FUT8: variants seen among roughly 807,000 people sequenced by gnomAD.
FUT8 encodes the protein fucosyltransferase 8, also known as alpha-(1,6)-fucosyltransferase.
FUT8 carries 29 observed loss-of-function variants against 71.3 expected under a neutral mutation model. The ratio of observed to expected loss-of-function variants is 0.41; its 90% CI spans 0.30 to 0.55. FUT8 has a LOEUF of 0.55. FUT8 is among the 20% of genes least tolerant of loss of function. The probability of loss-of-function intolerance (pLI) is 0.34; values close to 1 mark genes in which losing one functional copy is unlikely to be tolerated. For synonymous variants in FUT8, 254 were observed against 239.3 expected (o/e 1.06, Z -0.57); for missense variants, 544 against 702.1 (o/e 0.77, Z 2.55).
the FUT8 span, among the ~76,000 whole-genome samples, chr14:65,395,837 C>T: frequency 4.5e-4 from 68 of 152,364 alleles, no homozygotes; most frequent in East Asian, 7.5e-3. Context: ...TGTCAGGCTG[C>T]AAATTTTCCG....
chr14:65,409,112 G>T (rs1449477652), upstream of FUT8, among the ~76,000 whole-genome samples: 1 of 152,154 alleles, frequency 6.6e-6, no homozygotes, highest in East Asian at 1.9e-4. This position sits in a 1 kb window ranked among gnomAD's most constrained non-coding sequence, Gnocchi z 5.4. Flanking sequence ...GAAAACTGAG[G>T]CCCAGATGGG....
chr14:65,381,804 C>A, the FUT8 span, among the ~76,000 whole-genome samples: 22 of 152,172 alleles, frequency 1.4e-4, no homozygotes, highest in African/African-American at 5.3e-4. Context: ...TCTTCTTTAT[C>A]TCCTTACCCA....
chr14:65,376,654 C>T, the FUT8 span, among the ~76,000 whole-genome samples: 34,506 of 143,108 alleles, frequency 0.24, 4,965 homozygotes, highest in East Asian at 0.55. Context: ...TCAAGTGATC[C>T]ACCCGCCTTG....
At chr14:65,490,311 C>G (rs992008354) in intron 2 of FUT8, among the ~76,000 whole-genome samples, 9 of 152,036 alleles carry the variant, frequency 5.9e-5, no homozygotes, top group Admixed American at 1.3e-4. Flanking sequence ...TTTTAAGGTT[C>G]CCATAACCTT....
chr14:65,454,400 G>T (rs1479954620), intron 1 of FUT8, among the ~76,000 whole-genome samples: 1 of 152,084 alleles, frequency 6.6e-6, no homozygotes, highest in Non-Finnish European at 1.5e-5. Context: ...GCTGAGGCAC[G>T]AGGATTACTT....
the FUT8 span, among the ~76,000 whole-genome samples, chr14:65,393,295 A>T: frequency 6.6e-6 from 1 of 152,206 alleles, no homozygotes; most frequent in African/African-American, 2.4e-5. Context: ...TAATGCCAAT[A>T]CTAAAGGGAA....
intron 2 of FUT8, among the ~76,000 whole-genome samples, chr14:65,498,908 GAA>G (rs1210454672): frequency 6.6e-6 from 1 of 152,148 alleles, no homozygotes; most frequent in Admixed American, 6.5e-5. Context: ...CTTTCATTGT[GAA>G]AAATAATTAT....
In FUT8 at chr14:65,574,032, G is replaced by A. The variant is rs934871737; in HGVS notation, c.203+12266G>A. Among the ~76,000 whole-genome samples, 10 of 152,158 alleles carry A rather than the reference G, an allele frequency of 6.6e-5. No individual in the cohort carries two copies. Among genetic ancestry groups the A allele is most frequent in the African/African-American group, 2.4e-4 (10 of 41,422 alleles). On this transcript the variant is annotated intron_variant, in intron 3 of 10. Transcript: ENST00000673929. This position sits in a 1 kb window ranked among gnomAD's most constrained non-coding sequence, Gnocchi z 5.2. The stretch of plus-strand genomic sequence containing the variant: ...GGTACAAAAGGTGTTGACTGGGTCT[G>A]CAGTTTATTTCAAGGCTCAATTAAA...
chr14:65,632,998 CT>C (rs1890275601), intron 6 of FUT8, among the ~76,000 whole-genome samples: 6 of 130,366 alleles, frequency 4.6e-5, no homozygotes, highest in Admixed American at 7.6e-5. Flanking sequence ...CCTCTCCCCT[CT>C]CCCCTCCCCC....
intron 7 of FUT8, among the ~76,000 whole-genome samples, chr14:65,682,491 C>A (rs779658593): frequency 6.6e-6 from 1 of 150,792 alleles, no homozygotes; most frequent in Admixed American, 6.6e-5. Flanking sequence ...GGCAACAGAG[C>A]AAGACCATGT....
At chr14:65,678,577 G>A (rs1476402117) in intron 7 of FUT8, among the ~76,000 whole-genome samples, 1 of 152,086 alleles carries the variant, frequency 6.6e-6, no homozygotes, top group African/African-American at 2.4e-5. Context: ...GTAAAGGGGG[G>A]TACTAGGAAT....
At chr14:65,693,642 A>C (rs1296908217) in intron 7 of FUT8, among the ~76,000 whole-genome samples, 2 of 152,158 alleles carry the variant, frequency 1.3e-5, no homozygotes, top group Non-Finnish European at 2.9e-5. Context: ...GAGAGCTATT[A>C]GTCTGTTTTC....
At chr14:65,595,602 CTTTTTTT>C (rs34129010) in intron 3 of FUT8, among the ~76,000 whole-genome samples, 4 of 81,724 alleles carry the variant, frequency 4.9e-5, no homozygotes, top group East Asian at 3.8e-4. Context: ...ACACCATTCT[CTTTTTTT>C]TTTTTTTTTT....
At chr14:65,733,422 T>C in intron 10 of FUT8, 41 bp downstream of exon 10, 1 of 1,478,612 alleles carries the variant, frequency 6.8e-7, no homozygotes, top group Non-Finnish European at 9.1e-7. Flanking sequence ...CAATACTTTT[T>C]GGTTGTATAG....
chr14:65,544,429 C>T (rs912788064), intron 2 of FUT8, among the ~76,000 whole-genome samples: 2 of 152,020 alleles, frequency 1.3e-5, no homozygotes, highest in African/African-American at 4.8e-5. Flanking sequence ...TGGTGCCAAT[C>T]AAGTATATAT....
At chr14:65,420,848 T>C (rs1048032466) in intron 1 of FUT8, among the ~76,000 whole-genome samples, 1 of 152,092 alleles carries the variant, frequency 6.6e-6, no homozygotes, top group African/African-American at 2.4e-5. Context: ...TTGTACCTTA[T>C]ATGTATTATA....
intron 2 of FUT8, among the ~76,000 whole-genome samples, chr14:65,523,574 C>T (rs1170043728): frequency 5.3e-5 from 8 of 152,050 alleles, no homozygotes; most frequent in Non-Finnish European, 1.0e-4. Context: ...AGCTCTTTAG[C>T]TTAATTAGAT....
At chr14:65,404,289 A>G in the FUT8 span, among the ~76,000 whole-genome samples, 8 of 151,610 alleles carry the variant, frequency 5.3e-5, no homozygotes, top group African/African-American at 1.9e-4. Flanking sequence ...CTCCTGTCTC[A>G]GCCTCCTGAG....
chr14:65,562,150 G>A (rs114104439), intron 3 of FUT8, among the ~76,000 whole-genome samples: 1,528 of 151,904 alleles, frequency 0.01, 21 homozygotes, highest in African/African-American at 0.034. Flanking sequence ...CTCCATAGTG[G>A]CATCATTATT....
Sources: allele counts gnomAD v4.1 joint callset (sites outside exome capture counted in the v4.1 genomes callset), GRCh38; gene constraint gnomAD v4.1.1; non-coding constraint Gnocchi (gnomAD v3.1); transcripts MANE v1.5; gene names NCBI Gene and HGNC (gene_info 2026-07-23, HGNC 2026-07-21).